Variants in BCL2 observed in about 807,000 individuals in gnomAD.
The protein encoded by BCL2 is BCL2 apoptosis regulator, also known as apoptosis regulator Bcl-2.
A neutral mutation model predicts 14.2 loss-of-function variants in BCL2; 1 was observed. That is an observed-to-expected ratio of 0.07 (90% CI 0.02 to 0.33). The LOEUF is 0.33. BCL2 is among the 10% of genes least tolerant of loss of function. The pLI, the probability that BCL2 is intolerant of heterozygous loss-of-function variation, is 0.99. For synonymous variants in BCL2, 151 were observed against 137.2 expected, an observed-to-expected ratio of 1.10 and a Z score of -0.70; for missense variants, 247 against 305.9, an observed-to-expected ratio of 0.81 and a Z score of 1.44.
chr18:63,172,982 C>T (rs571818950), intron 2 of BCL2, among the ~76,000 whole-genome samples: 8 of 152,248 alleles, frequency 5.3e-5, no homozygotes, highest in South Asian at 4.2e-4. Context: ...ATTGACTCTA[C>T]GCAGGATGTC....
intron 2 of BCL2, among the ~76,000 whole-genome samples, chr18:63,255,456 T>C (rs1568248617): frequency 6.6e-6 from 1 of 152,184 alleles, no homozygotes; most frequent in Non-Finnish European, 1.5e-5. Context: ...ACACTTCTAA[T>C]TGGAAAGCCG....
At chr18:63,153,743 T>C (rs1002031583) in intron 2 of BCL2, among the ~76,000 whole-genome samples, 3 of 152,098 alleles carry the variant, frequency 2.0e-5, no homozygotes, top group Non-Finnish European at 4.4e-5. Flanking sequence ...TCGGACCTTG[T>C]ACTAAGCCAT....
chr18:63,147,040 G>C (rs1316312377), intron 2 of BCL2, among the ~76,000 whole-genome samples: 1 of 152,224 alleles, frequency 6.6e-6, no homozygotes, highest in East Asian at 1.9e-4. Context: ...AGTCCCAGGA[G>C]AGCTCAACCC....
intron 2 of BCL2, among the ~76,000 whole-genome samples, chr18:63,293,883 C>T (rs1912725111): frequency 6.6e-6 from 1 of 152,094 alleles, no homozygotes; most frequent in Admixed American, 6.5e-5. Context: ...AGGTACCTCT[C>T]ATGCAACAGT....
At position 63,296,490 on chromosome 18, in the gene BCL2, G is replaced by A. The variant is rs139283303; in HGVS notation, c.585+21592C>T. ...GCTTAATTGTTTTGTGTTTTGTAGA[G>A]GCAGGGTTTTGCTAAGTTGCTCAAG... On this transcript the variant is annotated intron_variant, in intron 2 of 2. Coordinates refer to ENST00000333681, the MANE Select transcript of BCL2 (RefSeq NM_000633.3). Among the ~76,000 whole-genome samples the A allele has an allele frequency of 1.3e-4, 20 of 152,302 alleles. No homozygotes were observed. In the East Asian group the frequency reaches 3.9e-3, roughly 29 times the overall value.
At chr18:63,305,728 A>C (rs1913107876) in intron 2 of BCL2, among the ~76,000 whole-genome samples, 4 of 152,210 alleles carry the variant, frequency 2.6e-5, no homozygotes, top group African/African-American at 9.6e-5. Context: ...ATTCTAACAA[A>C]AATAGTTTTT....
intron 2 of BCL2, among the ~76,000 whole-genome samples, chr18:63,181,937 C>A (rs553346396): frequency 1.8e-4 from 27 of 152,296 alleles, no homozygotes; most frequent in Non-Finnish European, 3.1e-4. Flanking sequence ...ATGGGGCAGG[C>A]ACATCGTCCT....
chr18:63,205,865 C>T (rs1408396860), intron 2 of BCL2, among the ~76,000 whole-genome samples: 2 of 152,138 alleles, frequency 1.3e-5, no homozygotes, highest in Admixed American at 1.3e-4. Flanking sequence ...CATCCCCAGG[C>T]CTCCAGAGAA....
At chr18:63,236,654 A>C (rs1910840123) in intron 2 of BCL2, among the ~76,000 whole-genome samples, 1 of 152,192 alleles carries the variant, frequency 6.6e-6, no homozygotes, top group African/African-American at 2.4e-5. Context: ...CTCTTCAATG[A>C]ATCTGTAATT....
At chr18:63,179,614 C>T (rs1027089407) in intron 2 of BCL2, among the ~76,000 whole-genome samples, 16 of 152,144 alleles carry the variant, frequency 1.1e-4, no homozygotes, top group African/African-American at 2.7e-4. Context: ...GGTAAGGAGG[C>T]GAAGGTTCCC....
intron 2 of BCL2, among the ~76,000 whole-genome samples, chr18:63,174,337 T>A (rs1915298155): frequency 6.6e-6 from 1 of 152,130 alleles, no homozygotes; most frequent in African/African-American, 2.4e-5. Flanking sequence ...CTAGTACGCA[T>A]GGACGGGTGG....
At chr18:63,201,711 GC>G (rs531646731) in intron 2 of BCL2, among the ~76,000 whole-genome samples, 61 of 152,228 alleles carry the variant, frequency 4.0e-4, no homozygotes, top group African/African-American at 1.4e-3. Flanking sequence ...ATCATTCTCA[GC>G]AAACTATCAC....
chr18:63,130,270 C>T (rs1395730418), intron 2 of BCL2, among the ~76,000 whole-genome samples: 2 of 152,136 alleles, frequency 1.3e-5, no homozygotes, highest in African/African-American at 4.8e-5. Context: ...TCCCAACAAC[C>T]CTGACTCAAA....
In BCL2 at chr18:63,127,992, A is replaced by G. The variant is rs1434441426; in HGVS notation, c.*633T>C. Reference sequence around the variant, plus strand: ...CTCAGTGGGTACTAGGTCCATCTGAAGTTCCCAACTCTTTTCCTCCCACCA... The same window carrying G: ...CTCAGTGGGTACTAGGTCCATCTGAGGTTCCCAACTCTTTTCCTCCCACCA... On this transcript the variant is annotated 3_prime_UTR_variant, in exon 3 of 3. Coordinates refer to ENST00000333681, the MANE Select transcript of BCL2 (RefSeq NM_000633.3). 4.4e-6 allele frequency: 1 copy of G among 225,454 alleles called. No individual in the cohort carries two copies. Among genetic ancestry groups the G allele is most frequent in the Non-Finnish European group, 8.9e-6 (1 of 112,942 alleles). The allele number at this position is 225,454 out of a possible 1,614,324, so 14.0% of individuals were successfully genotyped here. A position where few individuals can be genotyped will look rare whatever the true frequency, so the allele number is the denominator to read the frequency against.
At chr18:63,289,635 T>C (rs1433341430) in intron 2 of BCL2, among the ~76,000 whole-genome samples, 1 of 152,164 alleles carries the variant, frequency 6.6e-6, no homozygotes, top group Non-Finnish European at 1.5e-5. Context: ...GGCTCATGCC[T>C]ATAACCCCAG....
chr18:63,176,395 G>A (rs775830665), intron 2 of BCL2, among the ~76,000 whole-genome samples: 24 of 152,176 alleles, frequency 1.6e-4, no homozygotes, highest in Non-Finnish European at 2.9e-4. Context: ...TCCTCCTGTC[G>A]GCTCCCAATA....
intron 2 of BCL2, among the ~76,000 whole-genome samples, chr18:63,199,440 CACAT>C (rs1229527211): frequency 4.6e-5 from 7 of 151,212 alleles, no homozygotes; most frequent in African/African-American, 1.7e-4. Flanking sequence ...ACAACATAGG[CACAT>C]ACACAGAGAC....
At chr18:63,243,787 T>C (rs1379739155) in intron 2 of BCL2, among the ~76,000 whole-genome samples, 3 of 152,242 alleles carry the variant, frequency 2.0e-5, no homozygotes, top group Non-Finnish European at 2.9e-5. Flanking sequence ...GGGACTAATA[T>C]GACAAATTTT....
intron 2 of BCL2, among the ~76,000 whole-genome samples, chr18:63,266,668 T>C (rs1911841459): frequency 6.7e-6 from 1 of 149,584 alleles, no homozygotes; most frequent in South Asian, 2.1e-4. Flanking sequence ...AAAATATATA[T>C]ATTTATACTA....
Sources: gnomAD v4.1 joint callset for allele counts (sites outside exome capture counted in the v4.1 genomes callset) on GRCh38, gnomAD v4.1.1 for gene constraint, MANE v1.5 for transcripts, NCBI Gene and HGNC (gene_info 2026-07-23, HGNC 2026-07-21) for gene names.